The following EIF3L variants were observed in gnomAD, a reference collection of about 807,000 sequenced individuals.
EIF3L encodes the protein eIEF associated protein HSPC021.
Under a neutral mutation model 74.6 loss-of-function variants are expected in EIF3L, and 32 were observed. The observed-to-expected ratio is 0.43, with a 90% CI of 0.32 to 0.58. EIF3L has a LOEUF of 0.58. Ranked by LOEUF, EIF3L falls within the 20% of genes least tolerant of loss-of-function variation. The pLI, the probability that EIF3L is intolerant of heterozygous loss-of-function variation, is 0.06. For synonymous variants in EIF3L, 256 were observed against 254.4 expected (o/e 1.01, Z -0.06); for missense variants, 474 against 707.8 (o/e 0.67, Z 3.75).
intron 3 of EIF3L, among the ~76,000 whole-genome samples, chr22:37,854,951 T>C (rs1178843628): frequency 6.6e-6 from 1 of 152,160 alleles, no homozygotes; most frequent in African/African-American, 2.4e-5. Flanking sequence ...TGTTCAGTGT[T>C]TTTTAGGGGA....
intron 11 of EIF3L, chr22:37,884,185 T>G (rs148868508): frequency 0.016 from 2,505 of 152,292 alleles, 37 homozygotes; most frequent in Admixed American, 0.025. Flanking sequence ...TTTGGGTCCT[T>G]TCACTGAGCA....
intron 7 of EIF3L, among the ~76,000 whole-genome samples, chr22:37,866,074 A>G (rs1926133392): frequency 6.6e-6 from 1 of 152,190 alleles, no homozygotes; most frequent in African/African-American, 2.4e-5. Context: ...AGATATAGTG[A>G]AAGTGCCTGC....
intron 9 of EIF3L, among the ~76,000 whole-genome samples, chr22:37,875,473 T>C (rs1926696848): frequency 6.6e-6 from 1 of 152,156 alleles, no homozygotes. Flanking sequence ...CACAGAAAAA[T>C]ATTACAGATA....
chr22:37,849,937 T>A, intron 1 of EIF3L, 78 bp from the exon 2 acceptor site: 6 of 1,512,566 alleles, frequency 4.0e-6, no homozygotes, highest in Non-Finnish European at 4.6e-6. Context: ...AGCTCTCTGC[T>A]TGGCATCTAG....
intron 7 of EIF3L, among the ~76,000 whole-genome samples, chr22:37,866,046 T>C (rs529233993): frequency 4.6e-5 from 7 of 152,292 alleles, no homozygotes; most frequent in African/African-American, 1.7e-4. Context: ...TTTATTTGTT[T>C]TTGTTTTTTC....
chr22:37,858,371 C>T (rs943963475), intron 4 of EIF3L, among the ~76,000 whole-genome samples: 2 of 151,556 alleles, frequency 1.3e-5, no homozygotes, highest in Non-Finnish European at 2.9e-5. Context: ...ACCATGGGTG[C>T]GCACCACCAC....
rs1925028087 is a variant in EIF3L at position 37,849,423 on chromosome 22, C to G, written c.-27C>G. 1 of 1,614,022 alleles carries G rather than the reference C, an allele frequency of 6.2e-7. No individual in the cohort carries two copies. Among genetic ancestry groups the G allele is most frequent in the South Asian group, 1.1e-5 (1 of 91,066 alleles). On this transcript the variant is annotated 5_prime_UTR_variant, in exon 1 of 13. Coordinates refer to ENST00000652021, the MANE Select transcript of EIF3L (RefSeq NM_016091.4). The stretch of plus-strand genomic sequence containing the variant: ...GCGCGGGCCGCTCATTTCGCTCTTT[C>G]CGGCGGTGCTCGCAAGCGAGGCAGC...
At chr22:37,872,193 C>T (rs1201104736) in intron 8 of EIF3L, among the ~76,000 whole-genome samples, 1 of 152,018 alleles carries the variant, frequency 6.6e-6, no homozygotes, top group Non-Finnish European at 1.5e-5. Flanking sequence ...TCTCAGTTCA[C>T]TGCATCCTCT....
chr22:37,879,203 T>C (rs1251523069), intron 11 of EIF3L: 4 of 152,368 alleles, frequency 2.6e-5, no homozygotes, highest in Non-Finnish European at 5.9e-5. Context: ...TGGAGAGTTC[T>C]TAATAGCTCA....
chr22:37,861,771 T>G (rs777863590), intron 5 of EIF3L, among the ~76,000 whole-genome samples: 1 of 152,196 alleles, frequency 6.6e-6, no homozygotes, highest in Non-Finnish European at 1.5e-5. Flanking sequence ...AGCCATTATG[T>G]GTACACTGCT....
At chr22:37,849,627 C>A in intron 1 of EIF3L, 145 bp downstream of exon 1, 1 of 917,838 alleles carries the variant, frequency 1.1e-6, no homozygotes, top group Non-Finnish European at 1.7e-6. Context: ...TCCCACAGTT[C>A]CCGGTCCCTA....
intron 11 of EIF3L, 189 bp downstream of exon 11, chr22:37,878,360 A>T: frequency 4.9e-6 from 3 of 612,914 alleles, no homozygotes; most frequent in Middle Eastern, 4.6e-4. Flanking sequence ...TGGGAGGATC[A>T]CTCTAGCCCA....
intron 11 of EIF3L, 24 bp from the exon 12 acceptor site, chr22:37,886,741 C>T (rs1428352426): frequency 1.2e-6 from 2 of 1,601,472 alleles, no homozygotes; most frequent in East Asian, 4.5e-5. Context: ...GGCTGCTCTT[C>T]CCTGACTGTG....
intron 11 of EIF3L, chr22:37,884,036 ACT>A (rs1927197208): frequency 6.6e-6 from 1 of 151,616 alleles, no homozygotes; most frequent in African/African-American, 2.4e-5. Context: ...CCAAAAAGAA[ACT>A]CCCTACCCAC....
In EIF3L at chr22:37,855,588, T is replaced by G; in HGVS notation, c.317T>G (p.Phe106Cys). 6.2e-7 allele frequency: 1 copy of G among 1,614,214 alleles called. No homozygotes were observed. Among genetic ancestry groups the G allele is most frequent in the African/African-American group, 1.3e-5 (1 of 75,062 alleles). The change falls in exon 4 of 13, where the codon TTC becomes TGC. Residue 106 changes from phenylalanine (F) to cysteine (C), a missense_variant. Transcript: ENST00000652021. ...ENSWTKLTERFFKNTPWPEAE... is the reference protein window; with the variant it reads ...ENSWTKLTERCFKNTPWPEAE... Reference sequence around the variant, plus strand: ...AGCTGGACCAAGCTGACTGAAAGATTCTTCAAGAATACACCTTGGCCCGAG... The same window carrying G: ...AGCTGGACCAAGCTGACTGAAAGATGCTTCAAGAATACACCTTGGCCCGAG...
At position 37,878,022 on chromosome 22, in the gene EIF3L, G is replaced by A; in HGVS notation, c.1426G>A (p.Ala476Thr). The A allele has an allele frequency of 6.2e-7, 1 of 1,613,876 alleles. No homozygotes were observed. The highest frequency in any genetic ancestry group is 8.5e-7 in the Non-Finnish European group (1 of 1,180,012). Residue 476 changes from alanine (A) to threonine (T), a missense_variant, in exon 11 of 13, where the codon GCT becomes ACT. Ala to Thr is a moderately conservative substitution (Grantham distance 58). This residue lies in a region of EIF3L where 293 missense variants were observed against 469.1 expected (regional missense o/e 0.62). Coordinates refer to ENST00000652021, the MANE Select transcript of EIF3L (RefSeq NM_016091.4). ...LYTTMPVAKLAGFLDLTEQEF... is the reference protein window; with the variant it reads ...LYTTMPVAKLTGFLDLTEQEF... ...CACCACCATGCCTGTGGCCAAGCTGGCTGGCTTCCTGGACCTCACAGAGCA... is the reference window on the plus strand; with the variant it reads ...CACCACCATGCCTGTGGCCAAGCTGACTGGCTTCCTGGACCTCACAGAGCA...
chr22:37,868,515 G>A (rs1025115429), intron 7 of EIF3L, among the ~76,000 whole-genome samples: 3 of 150,974 alleles, frequency 2.0e-5, no homozygotes, highest in Non-Finnish European at 2.9e-5. Context: ...GTGCAGTGGC[G>A]TGATCTCAGC....
intron 11 of EIF3L, chr22:37,885,917 A>G (rs1265092888): frequency 6.8e-6 from 1 of 148,034 alleles, no homozygotes; most frequent in Non-Finnish European, 1.5e-5. Flanking sequence ...GAGGCTGGGC[A>G]CGGTGGCTCA....
intron 3 of EIF3L, among the ~76,000 whole-genome samples, chr22:37,852,757 C>T (rs187444608): frequency 2.0e-5 from 3 of 151,974 alleles, no homozygotes; most frequent in Admixed American, 1.3e-4. Context: ...AGGTCCTTCC[C>T]GCCCCTGCAA....
Sources: gnomAD v4.1 joint callset for allele counts (sites outside exome capture counted in the v4.1 genomes callset) on GRCh38, gnomAD v4.1.1 for gene constraint, gnomAD v4.1.1 regional missense constraint, MANE v1.5 for transcripts, NCBI Gene and HGNC (gene_info 2026-07-23, HGNC 2026-07-21) for gene names.